SPAG1: variants seen among roughly 807,000 people sequenced by gnomAD.
The protein encoded by SPAG1 is sperm-associated antigen 1.
SPAG1 carries 69 observed loss-of-function variants against 100.5 expected under a neutral mutation model. The observed-to-expected ratio is 0.69, with a 90% CI of 0.57 to 0.84. The LOEUF (loss-of-function observed/expected upper bound fraction) is 0.84. Ranked by LOEUF, SPAG1 falls within the 40% of genes least tolerant of loss-of-function variation. SPAG1 has a pLI of 0.00. For synonymous variants in SPAG1, 336 were observed against 411.6 expected, an observed-to-expected ratio of 0.82 and a Z score of 2.22; for missense variants, 955 against 1,133.1, an observed-to-expected ratio of 0.84 and a Z score of 2.26.
chr8:100,202,432 C>T (rs28837193), intron 10 of SPAG1, among the ~76,000 whole-genome samples: 8,322 of 151,452 alleles, frequency 0.055, 699 homozygotes, highest in African/African-American at 0.19. Flanking sequence ...CTGGCCAGGC[C>T]GGGCGCGGTG....
intron 16 of SPAG1, 76 bp downstream of exon 16, chr8:100,233,613 A>C: frequency 7.1e-7 from 1 of 1,404,018 alleles, no homozygotes; most frequent in Non-Finnish European, 9.7e-7. Context: ...ATAAATCTCC[A>C]GATCTTGGGA....
At chr8:100,191,796 A>G (rs994486810) in intron 9 of SPAG1, among the ~76,000 whole-genome samples, 2 of 152,108 alleles carry the variant, frequency 1.3e-5, no homozygotes, top group Non-Finnish European at 2.9e-5. Flanking sequence ...TATAGAAGGT[A>G]CCTTCCTAGG....
At chr8:100,238,411 C>G (rs918068467) in intron 16 of SPAG1, among the ~76,000 whole-genome samples, 9 of 152,170 alleles carry the variant, frequency 5.9e-5, no homozygotes, top group African/African-American at 2.2e-4. Context: ...TGTGCTCAGC[C>G]TCTTGTGCAT....
At chr8:100,189,069 T>C (rs1185593072) in intron 8 of SPAG1, among the ~76,000 whole-genome samples, 3 of 152,068 alleles carry the variant, frequency 2.0e-5, no homozygotes, top group Admixed American at 2.0e-4. Context: ...TAGTGGTTCA[T>C]GTCTGTAATC....
intron 16 of SPAG1, among the ~76,000 whole-genome samples, chr8:100,236,942 T>TAA (rs1346306919): frequency 6.6e-6 from 1 of 152,196 alleles, no homozygotes; most frequent in Non-Finnish European, 1.5e-5. Context: ...CTTTTATGGT[T>TAA]TCAGCAAAAC....
chr8:100,214,024 G>A, intron 12 of SPAG1, 106 bp downstream of exon 12: 1 of 603,710 alleles, frequency 1.7e-6, no homozygotes, highest in Non-Finnish European at 3.0e-6. Context: ...AATTTCTTAA[G>A]AGCTTTATGG....
At chr8:100,158,053 C>G (rs1296925531), upstream of SPAG1, 1 of 152,266 alleles carries the variant, frequency 6.6e-6, no homozygotes, top group African/African-American at 2.4e-5. Context: ...CCTCCCTCAG[C>G]ACCTGCAGTG....
chr8:100,165,321 T>C lies in SPAG1; in HGVS notation c.141-493T>C, dbSNP rs1172774957. 9.8e-6 allele frequency: 5 copies of C among 511,442 alleles called. 1 individual carries two copies. Among genetic ancestry groups the C allele is most frequent in the Non-Finnish European group, 2.0e-5 (5 of 252,510 alleles). The allele number at this position is 511,442 out of a possible 1,614,324, so 31.7% of individuals were successfully genotyped here. A position where few individuals can be genotyped will look rare whatever the true frequency, so the allele number is the denominator to read the frequency against. On this transcript the variant is annotated intron_variant, in intron 2 of 18. Transcript: ENST00000388798. ...CTGTGCAGGATTTTTTCCTATTCCA[T>C]CATTGGTAATAATTGCACTTCTTGC...
chr8:100,232,132 T>C (rs1284883320), intron 15 of SPAG1, among the ~76,000 whole-genome samples: 2 of 152,168 alleles, frequency 1.3e-5, no homozygotes, highest in African/African-American at 4.8e-5. Flanking sequence ...GATAGAATAT[T>C]GGACAAAAGA....
At chr8:100,237,361 C>T (rs1361173021) in intron 16 of SPAG1, among the ~76,000 whole-genome samples, 3 of 151,968 alleles carry the variant, frequency 2.0e-5, no homozygotes, top group Admixed American at 6.6e-5. Context: ...GACACACTTT[C>T]TATGAGCTCT....
intron 10 of SPAG1, among the ~76,000 whole-genome samples, chr8:100,211,834 T>C (rs1817727465): frequency 6.6e-6 from 1 of 152,222 alleles, no homozygotes; most frequent in Non-Finnish European, 1.5e-5. Context: ...CTAAATGAAC[T>C]GCAGCTCTTT....
At chr8:100,195,911 A>G (rs1817012441) in intron 10 of SPAG1, among the ~76,000 whole-genome samples, 1 of 151,988 alleles carries the variant, frequency 6.6e-6, no homozygotes, top group Non-Finnish European at 1.5e-5. Context: ...CCCTTCCCTC[A>G]CCCCAGCTCT....
At chr8:100,183,266 C>T (rs1816444728) in intron 4 of SPAG1, 109 bp from the exon 5 acceptor site, 2 of 561,836 alleles carry the variant, frequency 3.6e-6, no homozygotes, top group East Asian at 6.9e-5. Context: ...AGTCCCCGCA[C>T]CTGGCTTCCA....
chr8:100,238,336 G>A (rs1819101704), intron 16 of SPAG1, among the ~76,000 whole-genome samples: 1 of 152,122 alleles, frequency 6.6e-6, no homozygotes, highest in Non-Finnish European at 1.5e-5. Flanking sequence ...GTAGGGGAGG[G>A]GAAAGGCATG....
chr8:100,224,182 G>A (rs899619331), intron 13 of SPAG1, among the ~76,000 whole-genome samples: 1 of 152,012 alleles, frequency 6.6e-6, no homozygotes, highest in African/African-American at 2.4e-5. Context: ...ATGGCCATCA[G>A]TAAATGCCAT....
chr8:100,229,590 G>A (rs1818675023), intron 14 of SPAG1, among the ~76,000 whole-genome samples: 1 of 152,188 alleles, frequency 6.6e-6, no homozygotes, highest in Admixed American at 6.5e-5. Flanking sequence ...GAATGGCTTA[G>A]ACCTGGGGTT....
intron 13 of SPAG1, among the ~76,000 whole-genome samples, chr8:100,224,373 C>T (rs544364679): frequency 2.6e-5 from 4 of 152,116 alleles, no homozygotes; most frequent in Non-Finnish European, 4.4e-5. Flanking sequence ...AAAACCCCGT[C>T]TCTACTAAAA....
intron 6 of SPAG1, 64 bp downstream of exon 6, chr8:100,184,126 C>A: frequency 2.8e-6 from 2 of 714,998 alleles, no homozygotes; most frequent in Non-Finnish European, 4.5e-6. Context: ...TAAAAAGTGT[C>A]AATCTAGAAG....
At chr8:100,175,953 C>T (rs1816094710) in intron 3 of SPAG1, among the ~76,000 whole-genome samples, 1 of 152,202 alleles carries the variant, frequency 6.6e-6, no homozygotes, top group Non-Finnish European at 1.5e-5. Flanking sequence ...ATAAACCCAA[C>T]TGAGTTTGCA....
Sources: allele counts gnomAD v4.1 joint callset (sites outside exome capture counted in the v4.1 genomes callset), GRCh38; gene constraint gnomAD v4.1.1; transcripts MANE v1.5; gene names NCBI Gene and HGNC (gene_info 2026-07-23, HGNC 2026-07-21).